Variants in ATP8A2 observed in about 807,000 individuals in gnomAD.
The protein encoded by ATP8A2 is ATPase phospholipid transporting 8A2.
ATP8A2 carries 100 observed loss-of-function variants against 165.6 expected under a neutral mutation model. That is an observed-to-expected ratio of 0.60 (90% CI 0.51 to 0.71). The LOEUF (loss-of-function observed/expected upper bound fraction) is 0.71, where lower values mean the gene tolerates loss of function less well. ATP8A2 is among the 30% of genes least tolerant of loss of function. The pLI is 0.00. For synonymous variants in ATP8A2, 543 were observed against 548.8 expected (o/e 0.99, Z 0.15); for missense variants, 1,227 against 1,479.5 (o/e 0.83, Z 2.80).
At chr13:26,010,014 C>G (rs1000611785) in intron 35 of ATP8A2, among the ~76,000 whole-genome samples, 4 of 152,026 alleles carry the variant, frequency 2.6e-5, no homozygotes, top group Non-Finnish European at 5.9e-5. Flanking sequence ...TGCAGTGAGC[C>G]GAGATTGCGC....
intron 23 of ATP8A2, among the ~76,000 whole-genome samples, chr13:25,585,999 G>A (rs1442150732): frequency 6.6e-6 from 1 of 152,054 alleles, no homozygotes. Context: ...TGTTAATTAT[G>A]ACTGGCTTTT....
At chr13:26,011,398 G>A (rs1203975874) in intron 35 of ATP8A2, among the ~76,000 whole-genome samples, 2 of 152,096 alleles carry the variant, frequency 1.3e-5, no homozygotes, top group Non-Finnish European at 2.9e-5. Context: ...CCACCCTGAT[G>A]ACCTCATTTC....
intron 1 of ATP8A2, among the ~76,000 whole-genome samples, chr13:25,459,854 G>A (rs1483379735): frequency 6.6e-6 from 1 of 152,122 alleles, no homozygotes; most frequent in Admixed American, 6.6e-5. Flanking sequence ...CTGGCTATGG[G>A]GTTGGTTGCA....
At chr13:25,479,608 T>C (rs926211099) in intron 2 of ATP8A2, among the ~76,000 whole-genome samples, 2 of 151,906 alleles carry the variant, frequency 1.3e-5, no homozygotes, top group African/African-American at 4.8e-5. Flanking sequence ...AACAAAGGTC[T>C]CTGGTTTTCC....
chr13:25,581,949 T>C lies in ATP8A2; in HGVS notation c.2138T>C (p.Ile713Thr), dbSNP rs142872070. ...VLTGDKQETA[I>T]NIGYSCRLVS... is the part of the protein sequence containing the mutation. ...ACAGGAGACAAACAAGAAACTGCGA[T>C]TAATATAGGTAATTATTTTTACAAA... Residue 713 changes from isoleucine (I) to threonine (T), a missense_variant, in exon 23 of 37, where the codon ATT becomes ACT. Ile to Thr is a moderately conservative substitution (Grantham distance 89). Coordinates refer to ENST00000381655, the MANE Select transcript of ATP8A2 (RefSeq NM_016529.6). 2,079 of 1,601,658 alleles carry C rather than the reference T, an allele frequency of 1.3e-3. 3 individuals are homozygous for C. Among genetic ancestry groups the C allele is most frequent in the East Asian group, 0.011 (496 of 44,832 alleles).
rs750798080 is a variant in ATP8A2, at chr13:25,769,184, T to G, written c.2523T>G (p.Asn841Lys). 6.2e-7 allele frequency: 1 copy of G among 1,613,970 alleles called. No homozygotes were observed. Among genetic ancestry groups the G allele is most frequent in the Admixed American group, 1.7e-5 (1 of 60,026 alleles). The change falls in exon 26 of 37, where the codon AAT becomes AAG. Residue 841 changes from asparagine (N) to lysine (K), a missense_variant. This residue lies in a region of ATP8A2 where 592 missense variants were observed against 785.6 expected (regional missense o/e 0.75). Transcript: ENST00000381655. ...ACGTGGGTGTGGGAATCAGTGGGAA[T>G]GAAGGCATGCAGGCCACCAACAACT... is the stretch of plus-strand genomic sequence containing the variant. Reference protein sequence around the residue: ...TAHVGVGISGNEGMQATNNSD... With the variant: ...TAHVGVGISGKEGMQATNNSD...
At chr13:25,934,866 G>T (rs1365620759) in intron 33 of ATP8A2, among the ~76,000 whole-genome samples, 1 of 152,196 alleles carries the variant, frequency 6.6e-6, no homozygotes, top group Non-Finnish European at 1.5e-5. Context: ...AATTCATACA[G>T]TTCGGTGTGG....
chr13:25,786,468 T>C (rs895026734), intron 27 of ATP8A2, among the ~76,000 whole-genome samples: 1 of 152,228 alleles, frequency 6.6e-6, no homozygotes, highest in South Asian at 2.1e-4. Context: ...GATCAAAATA[T>C]TGTCCTCTTT....
chr13:25,609,558 T>TATATA (rs2040611057), intron 24 of ATP8A2, among the ~76,000 whole-genome samples: 1 of 147,218 alleles, frequency 6.8e-6, no homozygotes, highest in African/African-American at 2.5e-5. Flanking sequence ...TATATATATA[T>TATATA]TTGGATTCAA....
chr13:25,851,146 C>T (rs1417568612), intron 30 of ATP8A2, among the ~76,000 whole-genome samples: 2 of 152,162 alleles, frequency 1.3e-5, no homozygotes, highest in Non-Finnish European at 2.9e-5. Context: ...AACTAAAATG[C>T]AATGCTGAGT....
chr13:25,909,258 A>G (rs186892720), intron 33 of ATP8A2, among the ~76,000 whole-genome samples: 45 of 152,264 alleles, frequency 3.0e-4, no homozygotes, highest in African/African-American at 1.0e-3. Flanking sequence ...ATCTCAAAAT[A>G]CCTAGAGGAA....
chr13:25,950,358 A>G (rs1348147160), intron 33 of ATP8A2, among the ~76,000 whole-genome samples: 1 of 152,150 alleles, frequency 6.6e-6, no homozygotes, highest in Admixed American at 6.5e-5. Flanking sequence ...TTTGGTCTCT[A>G]AAATTGGGTC....
chr13:25,555,149 A>C, intron 13 of ATP8A2, 81 bp downstream of exon 13: 2 of 1,085,518 alleles, frequency 1.8e-6, no homozygotes, highest in Non-Finnish European at 2.8e-6. Context: ...CCATGGAAAG[A>C]TTTTGCAAAA....
At chr13:25,679,732 T>G (rs1356838927) in intron 24 of ATP8A2, among the ~76,000 whole-genome samples, 1 of 152,184 alleles carries the variant, frequency 6.6e-6, no homozygotes, top group Non-Finnish European at 1.5e-5. Flanking sequence ...TTAAGGATGA[T>G]CTGGAGAGGC....
At chr13:25,631,679 C>A (rs1246718915) in intron 24 of ATP8A2, among the ~76,000 whole-genome samples, 1 of 152,002 alleles carries the variant, frequency 6.6e-6, no homozygotes, top group Non-Finnish European at 1.5e-5. Flanking sequence ...TGCTCATATA[C>A]CTTTAGTGAC....
chr13:25,396,846 A>G (rs1262677926), intron 1 of ATP8A2, among the ~76,000 whole-genome samples: 1 of 152,206 alleles, frequency 6.6e-6, no homozygotes, highest in Non-Finnish European at 1.5e-5. Flanking sequence ...AATGTTATCA[A>G]TCCACTGGCA....
chr13:25,568,520 A>G (rs920475457), intron 16 of ATP8A2, among the ~76,000 whole-genome samples: 4 of 152,224 alleles, frequency 2.6e-5, no homozygotes, highest in African/African-American at 7.2e-5. Flanking sequence ...AAGGAAAAAT[A>G]TAGTATCATC....
intron 25 of ATP8A2, among the ~76,000 whole-genome samples, chr13:25,731,806 A>T (rs558294399): frequency 6.6e-6 from 1 of 152,360 alleles, no homozygotes; most frequent in South Asian, 2.1e-4. Context: ...AGGAAAATCC[A>T]TTGTAACAGG....
intron 24 of ATP8A2, among the ~76,000 whole-genome samples, chr13:25,689,321 G>A (rs1316070446): frequency 2.0e-5 from 3 of 152,112 alleles, no homozygotes; most frequent in African/African-American, 4.8e-5. Context: ...AACATTTGTC[G>A]CTGTAAGCCA....
Sources: gnomAD v4.1 joint callset for allele counts (sites outside exome capture counted in the v4.1 genomes callset) on GRCh38, gnomAD v4.1.1 for gene constraint, gnomAD v4.1.1 regional missense constraint, MANE v1.5 for transcripts, NCBI Gene and HGNC (gene_info 2026-07-23, HGNC 2026-07-21) for gene names.